PRKN: variants seen among roughly 807,000 people sequenced by gnomAD.
The protein encoded by PRKN is E3 ubiquitin-protein ligase parkin.
In PRKN, 56 loss-of-function variants were observed where a neutral mutation model predicts 59.5. That is an observed-to-expected ratio of 0.94 (90% CI 0.76 to 1.18). The LOEUF is 1.18. Among genes scored for constraint, PRKN ranks in the 50% most tolerant of loss-of-function variants. The pLI is 0.00. For missense variants in PRKN, 657 were observed against 596.4 expected (o/e 1.10, Z -1.06); for synonymous variants, 250 against 222.1 (o/e 1.13, Z -1.12).
At chr6:161,917,287 G>A (rs1437121672) in intron 6 of PRKN, among the ~76,000 whole-genome samples, 1 of 151,914 alleles carries the variant, frequency 6.6e-6, no homozygotes, top group Non-Finnish European at 1.5e-5. Context: ...TGTATTTTTA[G>A]TAGAGACAGG....
chr6:161,489,709 T>G (rs766847536), intron 9 of PRKN, among the ~76,000 whole-genome samples: 41 of 152,220 alleles, frequency 2.7e-4, no homozygotes, highest in Non-Finnish European at 1.3e-4. Flanking sequence ...ATTCCTAGAT[T>G]GTCATTACTA....
intron 6 of PRKN, among the ~76,000 whole-genome samples, chr6:161,868,818 C>A (rs1259282201): frequency 6.6e-6 from 1 of 152,162 alleles, no homozygotes; most frequent in Non-Finnish European, 1.5e-5. Flanking sequence ...ACATGGCCTA[C>A]CTCTTGCTGT....
chr6:161,917,096 C>A (rs1778593929), intron 6 of PRKN, among the ~76,000 whole-genome samples: 1 of 152,064 alleles, frequency 6.6e-6, no homozygotes, highest in Non-Finnish European at 1.5e-5. Flanking sequence ...GCCACCGCAT[C>A]CAGCCTAATT....
At chr6:161,501,744 T>A (rs191880419) in intron 9 of PRKN, among the ~76,000 whole-genome samples, 14 of 152,270 alleles carry the variant, frequency 9.2e-5, no homozygotes, top group African/African-American at 3.4e-4. Context: ...CTATAGCATC[T>A]CACATTGTGA....
chr6:162,066,918 T>A (rs1366844223), intron 4 of PRKN, among the ~76,000 whole-genome samples: 4 of 152,216 alleles, frequency 2.6e-5, no homozygotes, highest in Non-Finnish European at 5.9e-5. Context: ...TAACAGAATT[T>A]CTGATTTATA....
intron 2 of PRKN, among the ~76,000 whole-genome samples, chr6:162,268,675 C>T (rs1487328122): frequency 2.6e-5 from 4 of 152,138 alleles, no homozygotes; most frequent in African/African-American, 7.2e-5. Context: ...GAGAAGTTCA[C>T]GATGGGTTCA....
Position 162,619,068 on chromosome 6 carries a change from G to A in PRKN, c.7+108594C>T, listed in dbSNP as rs1011221548. Among the ~76,000 whole-genome samples, 9 of 151,820 alleles carry A rather than the reference G, an allele frequency of 5.9e-5. 1 individual carries two copies. The highest frequency in any genetic ancestry group is 1.3e-4 in the Non-Finnish European group (9 of 67,992). Reference sequence around the variant, plus strand: ...TTTACAAAACAAACTTCAAAATGAAGGTGAAACTCTTTTAGACTCTTGAAA... The same window carrying A: ...TTTACAAAACAAACTTCAAAATGAAAGTGAAACTCTTTTAGACTCTTGAAA... On this transcript the variant is annotated intron_variant, in intron 1 of 11. Coordinates refer to ENST00000366898, the MANE Select transcript of PRKN (RefSeq NM_004562.3).
chr6:162,455,585 T>C (rs1282926528), intron 1 of PRKN, among the ~76,000 whole-genome samples: 1 of 152,144 alleles, frequency 6.6e-6, no homozygotes, highest in Non-Finnish European at 1.5e-5. Flanking sequence ...TGGTCCCTCA[T>C]TGACTGAAAT....
intron 6 of PRKN, among the ~76,000 whole-genome samples, chr6:161,865,404 T>A (rs980748642): frequency 2.0e-5 from 3 of 152,194 alleles, no homozygotes; most frequent in African/African-American, 4.8e-5. Flanking sequence ...GGAGTCAGCC[T>A]ATCCTTGGAA....
At chr6:161,835,797 CCCCTGTCT>C (rs1253688240) in intron 6 of PRKN, among the ~76,000 whole-genome samples, 1 of 152,170 alleles carries the variant, frequency 6.6e-6, no homozygotes. Context: ...GCATGGGTGA[CCCCTGTCT>C]CTCTAAGCCT....
chr6:161,397,810 A>G lies in PRKN; in HGVS notation c.1084-10933T>C, dbSNP rs1485330458. The stretch of plus-strand genomic sequence containing the variant: ...AGAGGTCAATCCTGAGTACAAGAGG[A>G]ATAACTAAGACTTTCTGCCAGGGAA... On this transcript the variant is annotated intron_variant, in intron 9 of 11. Transcript: ENST00000366898. The surrounding 1 kb of genome is among the most constrained non-coding windows in gnomAD (Gnocchi z 4.2). Among the ~76,000 whole-genome samples, 2 of 152,200 alleles carry G rather than the reference A, an allele frequency of 1.3e-5. No homozygotes were observed. The highest frequency in any genetic ancestry group is 2.9e-5 in the Non-Finnish European group (2 of 68,044).
chr6:161,716,516 CAAAT>C (rs1274726029), intron 7 of PRKN, among the ~76,000 whole-genome samples: 2 of 152,066 alleles, frequency 1.3e-5, no homozygotes, highest in African/African-American at 4.8e-5. Flanking sequence ...CCCAAACAAA[CAAAT>C]AAACCTAAAC....
At chr6:162,262,179 C>G (rs1779915608) in intron 3 of PRKN, among the ~76,000 whole-genome samples, 1 of 152,162 alleles carries the variant, frequency 6.6e-6, no homozygotes, top group Non-Finnish European at 1.5e-5. Flanking sequence ...AGTCCTTTCA[C>G]ACTAAGGATG....
Position 161,625,500 on chromosome 6 carries a change from C to T in PRKN, c.872-56084G>A, listed in dbSNP as rs186115600. On this transcript the variant is annotated intron_variant, in intron 7 of 11. Transcript: ENST00000366898. Reference sequence around the variant, plus strand: ...ATGGGGGCAGCAAACCAACATGGCACATGTACACCTATGTAACGAACCTGC... The same window carrying T: ...ATGGGGGCAGCAAACCAACATGGCATATGTACACCTATGTAACGAACCTGC... Among the ~76,000 whole-genome samples the T allele has an allele frequency of 1.4e-3, 217 of 152,246 alleles. 2 individuals carry two copies. Among genetic ancestry groups the T allele is most frequent in the Admixed American group, 0.013 (204 of 15,300 alleles).
intron 9 of PRKN, among the ~76,000 whole-genome samples, chr6:161,514,491 A>G (rs1464171667): frequency 2.6e-5 from 4 of 152,042 alleles, no homozygotes; most frequent in Admixed American, 6.6e-5. Context: ...ACAGAATAAA[A>G]CCAAGGCCAG....
intron 6 of PRKN, among the ~76,000 whole-genome samples, chr6:161,918,028 C>T (rs12198926): frequency 0.1 from 15,571 of 152,270 alleles, 1,060 homozygotes; most frequent in Admixed American, 0.16. Flanking sequence ...AGTGTGGAAA[C>T]AGGCGACTGT....
At chr6:162,179,846 A>T (rs1317429496) in intron 4 of PRKN, among the ~76,000 whole-genome samples, 1 of 152,066 alleles carries the variant, frequency 6.6e-6, no homozygotes, top group Non-Finnish European at 1.5e-5. Context: ...CAAGCAGCAA[A>T]CAGATAGAGC....
At position 161,530,126 on chromosome 6, in the gene PRKN, T is replaced by C. The variant is rs377547889; in HGVS notation, c.1083+18728A>G. Among the ~76,000 whole-genome samples the C allele has an allele frequency of 6.6e-6, 1 of 152,280 alleles. No individual in the cohort carries two copies. Among genetic ancestry groups the C allele is most frequent in the East Asian group, 1.9e-4 (1 of 5,174 alleles). The stretch of plus-strand genomic sequence containing the variant: ...GGCTGTGCACACGGGCTTCTTGCCA[T>C]CACTTAAATGGACACTTCTCAAACT... On this transcript the variant is annotated intron_variant, in intron 9 of 11. Coordinates refer to ENST00000366898, the MANE Select transcript of PRKN (RefSeq NM_004562.3). The surrounding 1 kb of genome is among the most constrained non-coding windows in gnomAD (Gnocchi z 5.0).
At chr6:161,757,681 T>C (rs1158814183) in intron 7 of PRKN, among the ~76,000 whole-genome samples, 1 of 151,474 alleles carries the variant, frequency 6.6e-6, no homozygotes, top group East Asian at 2.0e-4. Context: ...CTACTAAAAA[T>C]ACAAAAATTA....
Sources: allele counts gnomAD v4.1 joint callset (sites outside exome capture counted in the v4.1 genomes callset), GRCh38; gene constraint gnomAD v4.1.1; non-coding constraint Gnocchi (gnomAD v3.1); transcripts MANE v1.5; gene names NCBI Gene and HGNC (gene_info 2026-07-23, HGNC 2026-07-21).